The following SHROOM2 variants were observed in gnomAD, a reference collection of about 807,000 sequenced individuals.
SHROOM2 encodes the protein protein Shroom2.
Under a neutral mutation model 75.9 loss-of-function variants are expected in SHROOM2, and 33 were observed. The ratio of observed to expected loss-of-function variants is 0.43; its 90% CI spans 0.33 to 0.58. The LOEUF (loss-of-function observed/expected upper bound fraction) is 0.58. Ranked by LOEUF, SHROOM2 falls within the 20% of genes least tolerant of loss-of-function variation. The probability of loss-of-function intolerance (pLI) is 0.04; values close to 1 mark genes in which losing one functional copy is unlikely to be tolerated. For missense variants in SHROOM2, 1,434 were observed against 1,461.2 expected, an observed-to-expected ratio of 0.98 and a Z score of 0.30; for synonymous variants, 655 against 663.6, an observed-to-expected ratio of 0.99 and a Z score of 0.20.
intron 1 of SHROOM2, among the ~76,000 whole-genome samples, chrX:9,855,418 C>A (rs1213099070): frequency 9.2e-6 from 1 of 108,549 alleles, no homozygotes; most frequent in Non-Finnish European, 1.9e-5. Context: ...CAGAATCTGT[C>A]ACTGTTACCT....
intron 5 of SHROOM2, among the ~76,000 whole-genome samples, chrX:9,906,240 C>A (rs2084390782): frequency 9.0e-6 from 1 of 111,333 alleles, no homozygotes; most frequent in African/African-American, 3.3e-5. Flanking sequence ...ATAGGCACAT[C>A]CGTAGATAGA....
chrX:9,917,080 C>A (rs1014282934), intron 5 of SHROOM2, among the ~76,000 whole-genome samples: 1 of 111,370 alleles, frequency 9.0e-6, no homozygotes, highest in African/African-American at 3.3e-5. Context: ...GTGTAGACAT[C>A]CATCTCGGAA....
rs934002122 is a variant in SHROOM2, at chrX:9,948,986, ATG to A, written c.*2052_*2053del. On this transcript the variant is annotated 3_prime_UTR_variant, in exon 10 of 10. Transcript: ENST00000380913. Reference sequence around the variant, plus strand: ...GTCATTTTGATGATATGTGTGTAAAATGTGAATAATCCAATTGGTGTCTGTAC... The same window carrying A: ...GTCATTTTGATGATATGTGTGTAAAATGAATAATCCAATTGGTGTCTGTAC... 1.4e-5 allele frequency: 2 copies of A among 145,231 alleles called. No individual in the cohort carries two copies. Among genetic ancestry groups the A allele is most frequent in the African/African-American group, 6.1e-5 (2 of 32,892 alleles). The allele number at this position is 145,231 out of a possible 1,213,427, so 12.0% of individuals were successfully genotyped here.
chrX:9,804,914 C>A (rs1327397605), intron 1 of SHROOM2, among the ~76,000 whole-genome samples: 1 of 110,837 alleles, frequency 9.0e-6, no homozygotes, highest in Non-Finnish European at 1.9e-5. Context: ...GTCACCAAGT[C>A]ACATGGCATT....
intron 6 of SHROOM2, among the ~76,000 whole-genome samples, chrX:9,934,677 C>G (rs754255098): frequency 4.5e-5 from 5 of 111,732 alleles, no homozygotes; most frequent in Non-Finnish European, 9.4e-5. Flanking sequence ...GAAGTCAAGA[C>G]TGTTTTTAAG....
At chrX:9,887,828 G>C (rs1335007337) in intron 2 of SHROOM2, among the ~76,000 whole-genome samples, 1 of 113,061 alleles carries the variant, frequency 8.8e-6, no homozygotes. Flanking sequence ...CAGCATTCCT[G>C]CCATGCAGCT....
chrX:9,891,589 C>T (rs1264275486), intron 3 of SHROOM2, among the ~76,000 whole-genome samples: 1 of 112,169 alleles, frequency 8.9e-6, no homozygotes, highest in Non-Finnish European at 1.9e-5. Context: ...GCGGTAACAG[C>T]AGATAGTCTG....
chrX:9,895,407 C>A lies in SHROOM2; in HGVS notation c.1499C>A (p.Ala500Asp). The A allele has an allele frequency of 8.3e-7, 1 of 1,205,500 alleles. No individual in the cohort carries two copies. Among genetic ancestry groups the A allele is most frequent in the Non-Finnish European group, 1.1e-6 (1 of 892,801 alleles). The change falls in exon 4 of 10, where the codon GCC becomes GAC. Residue 500 changes from alanine (A) to aspartate (D), a missense_variant. By Grantham distance (126) the Ala-to-Asp change is moderately radical (BLOSUM62 -2). Transcript: ENST00000380913. ...GCGGGATGCTGGCCTTCTGACACAG[C>A]CCTTGGAGCCCTCGAGAGTCTTCCC... ...LWAGCWPSDTALGALESLPPP... is the reference protein window; with the variant it reads ...LWAGCWPSDTDLGALESLPPP...
chrX:9,798,517 C>T (rs2083706542), intron 1 of SHROOM2, among the ~76,000 whole-genome samples: 1 of 111,336 alleles, frequency 9.0e-6, no homozygotes, highest in African/African-American at 3.3e-5. Flanking sequence ...TTGATTTTTC[C>T]CCATCTCTGT....
rs113373428 is a variant in SHROOM2, at chrX:9,864,619, C to G, written c.166-9033C>G. 6.3e-3 allele frequency among the ~76,000 whole-genome samples: 684 copies of G among 108,336 alleles called. 7 individuals carry two copies. The highest frequency in any genetic ancestry group is 0.022 in the African/African-American group (642 of 29,187). 94.1% of individuals were successfully genotyped at this position (108,336 alleles called of 115,157 possible). On this transcript the variant is annotated intron_variant, in intron 1 of 9. Coordinates refer to ENST00000380913, the MANE Select transcript of SHROOM2 (RefSeq NM_001649.4). ...AGATCACGAGGTCAGGAGATCGAGACCATCCCGGCTAAAAAAAAAAACGGT... is the reference window on the plus strand; with the variant it reads ...AGATCACGAGGTCAGGAGATCGAGAGCATCCCGGCTAAAAAAAAAAACGGT...
At chrX:9,803,925 A>G (rs995916980) in intron 1 of SHROOM2, among the ~76,000 whole-genome samples, 2 of 111,239 alleles carry the variant, frequency 1.8e-5, no homozygotes, top group African/African-American at 6.5e-5. Flanking sequence ...TATAAGGACC[A>G]CCAACCAGTC....
At chrX:9,886,239 A>G (rs2084260315) in intron 2 of SHROOM2, among the ~76,000 whole-genome samples, 1 of 112,412 alleles carries the variant, frequency 8.9e-6, no homozygotes, top group African/African-American at 3.2e-5. Context: ...CCTTCTGCAC[A>G]TGCATTCCCG....
intron 1 of SHROOM2, among the ~76,000 whole-genome samples, chrX:9,793,750 CT>C (rs368389307): frequency 4.7e-3 from 473 of 100,822 alleles, no homozygotes; most frequent in African/African-American, 0.012. Context: ...CTCTTCCTTT[CT>C]TTTTTTTTTT....
chrX:9,935,225 G>C (rs2084689437), intron 6 of SHROOM2, among the ~76,000 whole-genome samples: 1 of 111,393 alleles, frequency 9.0e-6, no homozygotes, highest in Admixed American at 9.6e-5. Context: ...CTTCTCCCGG[G>C]AGCCGGGGGG....
intron 5 of SHROOM2, among the ~76,000 whole-genome samples, chrX:9,918,682 G>A: frequency 9.1e-6 from 1 of 109,798 alleles, no homozygotes. Context: ...TAGAGATGGA[G>A]TCTCATTATG....
At chrX:9,921,227 G>GT (rs1437514198) in intron 5 of SHROOM2, among the ~76,000 whole-genome samples, 1 of 112,139 alleles carries the variant, frequency 8.9e-6, no homozygotes, top group Non-Finnish European at 1.9e-5. Context: ...GAAGGAGGAA[G>GT]TTGCAATGCC....
chrX:9,915,725 C>G lies in SHROOM2; in HGVS notation c.2892-16450C>G, dbSNP rs948622444. ...CACATATGTGTACTACACACATTTT[C>G]TATAGTAATTATGCATATAAAGTTA... is the stretch of plus-strand genomic sequence containing the variant. On this transcript the variant is annotated intron_variant, in intron 5 of 9. Coordinates refer to ENST00000380913, the MANE Select transcript of SHROOM2 (RefSeq NM_001649.4). 5.4e-5 allele frequency among the ~76,000 whole-genome samples: 6 copies of G among 112,129 alleles called. No individual in the cohort carries two copies. In the Admixed American group the frequency reaches 5.7e-4, roughly 11 times the overall value.
rs1402241463 is a variant in SHROOM2, at chrX:9,895,727, A to G, written c.1819A>G (p.Thr607Ala). Reference sequence around the variant, plus strand: ...TGAGAGCAGTCCAGAGGACAGCGCCACCAGACCGCCACCGTTCGACGCCCA... The same window carrying G: ...TGAGAGCAGTCCAGAGGACAGCGCCGCCAGACCGCCACCGTTCGACGCCCA... ...RPESSPEDSA[T>A]RPPPFDAHVG... The change falls in exon 4 of 10, where the codon ACC (threonine) becomes GCC (alanine). Residue 607 changes from threonine to alanine, a missense_variant. Coordinates refer to ENST00000380913, the MANE Select transcript of SHROOM2 (RefSeq NM_001649.4). 2 of 1,195,540 alleles carry G rather than the reference A, an allele frequency of 1.7e-6. No homozygotes were observed. Among genetic ancestry groups the G allele is most frequent in the Non-Finnish European group, 2.3e-6 (2 of 888,517 alleles).
At position 9,940,060 on chromosome X, in the gene SHROOM2, G is replaced by A. The variant is rs780702711; in HGVS notation, c.4311+694G>A. ...CTCCCAAAGTGCTGGGATTACAGGC[G>A]TGAGCCACTGCTTCCGGGCTGGAAG... On this transcript the variant is annotated intron_variant, in intron 8 of 9. Transcript: ENST00000380913. Among the ~76,000 whole-genome samples the A allele has an allele frequency of 2.3e-4, 26 of 112,386 alleles. No individual in the cohort carries two copies. In the South Asian group the frequency reaches 4.8e-3, roughly 21 times the overall value.
Sources: gnomAD v4.1 joint callset for allele counts (sites outside exome capture counted in the v4.1 genomes callset) on GRCh38, gnomAD v4.1.1 for gene constraint, MANE v1.5 for transcripts, NCBI Gene and HGNC (gene_info 2026-07-23, HGNC 2026-07-21) for gene names.